The following COL13A1 variants were observed in gnomAD, a reference collection of about 807,000 sequenced individuals.
COL13A1 encodes collagen type XIII alpha 1 chain, also known as collagen alpha-1(XIII) chain.
In COL13A1, 89 loss-of-function variants were observed where a neutral mutation model predicts 130.9. The ratio of observed to expected loss-of-function variants is 0.68; its 90% CI spans 0.57 to 0.81. COL13A1 has a LOEUF of 0.81. COL13A1 is among the 30% of genes least tolerant of loss of function. The probability of loss-of-function intolerance (pLI) is 0.00; values close to 1 mark genes in which losing one functional copy is unlikely to be tolerated. For missense variants in COL13A1, 879 were observed against 934.6 expected (o/e 0.94, Z 0.78); for synonymous variants, 402 against 341.6 (o/e 1.18, Z -1.95).
intron 27 of COL13A1, among the ~76,000 whole-genome samples, chr10:69,928,561 G>T (rs1409957116): frequency 2.6e-5 from 4 of 152,176 alleles, no homozygotes; most frequent in African/African-American, 9.7e-5. Flanking sequence ...TCATTGTATG[G>T]ATGTACCATG....
chr10:69,925,563 G>A (rs1220808786), intron 25 of COL13A1, among the ~76,000 whole-genome samples: 2 of 152,220 alleles, frequency 1.3e-5, no homozygotes, highest in Non-Finnish European at 2.9e-5. Context: ...GGCAGCACAG[G>A]TGGACCCAAT....
intron 10 of COL13A1, among the ~76,000 whole-genome samples, chr10:69,891,831 G>C (rs1297998660): frequency 6.6e-6 from 1 of 152,166 alleles, no homozygotes; most frequent in Non-Finnish European, 1.5e-5. Context: ...CTTCATGAGA[G>C]GGGAAATTGA....
intron 2 of COL13A1, among the ~76,000 whole-genome samples, chr10:69,832,212 T>C (rs549629591): frequency 6.6e-6 from 1 of 152,288 alleles, no homozygotes; most frequent in African/African-American, 2.4e-5. Flanking sequence ...TCCAATGCTA[T>C]GAAAAATGCT....
chr10:69,876,908 A>C (rs180950164), intron 5 of COL13A1, among the ~76,000 whole-genome samples: 3 of 152,130 alleles, frequency 2.0e-5, no homozygotes, highest in Non-Finnish European at 4.4e-5. Context: ...TGCAAAATGC[A>C]AAGTGGCAGC....
At chr10:69,843,714 A>G (rs1852231625) in intron 2 of COL13A1, among the ~76,000 whole-genome samples, 1 of 152,214 alleles carries the variant, frequency 6.6e-6, no homozygotes, top group South Asian at 2.1e-4. Flanking sequence ...AGCACCCAAC[A>G]TATATTAGGT....
intron 1 of COL13A1, among the ~76,000 whole-genome samples, chr10:69,816,152 A>T (rs541552706): frequency 1.3e-5 from 2 of 149,962 alleles, no homozygotes; most frequent in South Asian, 4.4e-4. Context: ...GAAGTCGGGC[A>T]TTCGTTAGAA....
At chr10:69,925,927 C>A in intron 26 of COL13A1, 55 bp downstream of exon 26, 1 of 1,448,478 alleles carries the variant, frequency 6.9e-7, no homozygotes, top group South Asian at 1.2e-5. Flanking sequence ...GGCTCTGCAC[C>A]ATGCCCTGAT....
chr10:69,936,791 A>C lies in COL13A1; in HGVS notation c.1797+9A>C. On this transcript the variant is annotated intron_variant, in intron 33 of 40. Transcript: ENST00000645393. Reference sequence around the variant, plus strand: ...GTGTTCCTGGACCAAAGGTAAGGAGAAGTCACATGACAGGCGCTGTGTCAG... The same window carrying C: ...GTGTTCCTGGACCAAAGGTAAGGAGCAGTCACATGACAGGCGCTGTGTCAG... The C allele has an allele frequency of 1.2e-6, 2 of 1,613,912 alleles. No homozygotes were observed. Among genetic ancestry groups the C allele is most frequent in the Non-Finnish European group, 1.7e-6 (2 of 1,179,840 alleles).
At chr10:69,858,954 G>A (rs551679549) in intron 2 of COL13A1, among the ~76,000 whole-genome samples, 4 of 152,256 alleles carry the variant, frequency 2.6e-5, no homozygotes, top group Admixed American at 6.5e-5. Flanking sequence ...GCAAAACGGC[G>A]CATAATAGTA....
intron 2 of COL13A1, chr10:69,824,262 T>C: frequency 4.7e-6 from 2 of 424,954 alleles, no homozygotes; most frequent in Non-Finnish European, 9.8e-6. Flanking sequence ...TTTTCTCAAC[T>C]GCCTCTCGCA....
intron 34 of COL13A1, 23 bp from the exon 35 acceptor site, chr10:69,940,965 G>A (rs1216591741): frequency 6.2e-7 from 1 of 1,613,264 alleles, no homozygotes; most frequent in East Asian, 2.2e-5. Flanking sequence ...CCTTCTTTTG[G>A]TCAAACTGTG....
At chr10:69,874,407 T>G (rs979427315) in intron 4 of COL13A1, among the ~76,000 whole-genome samples, 1 of 152,238 alleles carries the variant, frequency 6.6e-6, no homozygotes, top group African/African-American at 2.4e-5. Context: ...GATGTCTGCA[T>G]GCATATGATG....
At chr10:69,902,922 G>T in intron 15 of COL13A1, 67 bp downstream of exon 15, 3 of 1,280,014 alleles carry the variant, frequency 2.3e-6, no homozygotes, top group South Asian at 1.5e-5. Flanking sequence ...TCCAAACCTT[G>T]AATAGGCAGT....
At position 69,887,595 on chromosome 10, in the gene COL13A1, A is replaced by T; in HGVS notation, c.549+104A>T. 6.4e-6 allele frequency: 8 copies of T among 1,249,668 alleles called. No homozygotes were observed. The Admixed American group carries it at 1.1e-4, about 17-fold the overall frequency. The allele number at this position is 1,249,668 out of a possible 1,614,324, so 77.4% of individuals were successfully genotyped here. ...CCCCGGTTCCACTCTTTCTCTCCCA[A>T]ACCCTGGTCATTAAGGACTTGCTTC... On this transcript the variant is annotated intron_variant, in intron 8 of 40. Coordinates refer to ENST00000645393, the MANE Select transcript of COL13A1 (RefSeq NM_001368882.1).
At chr10:69,829,827 G>T (rs71480611) in intron 2 of COL13A1, among the ~76,000 whole-genome samples, 1 of 152,232 alleles carries the variant, frequency 6.6e-6, no homozygotes, top group Non-Finnish European at 1.5e-5. Context: ...CCCTGGAAGA[G>T]CCTTTTCTCT....
chr10:69,922,813 T>A lies in COL13A1; in HGVS notation c.1230+19T>A. 1 of 1,540,306 alleles carries A rather than the reference T, an allele frequency of 6.5e-7. No individual in the cohort carries two copies. Among genetic ancestry groups the A allele is most frequent in the Middle Eastern group, 1.7e-4 (1 of 5,906 alleles). Reference sequence around the variant, plus strand: ...GCCAAAGGTGAGTGTTCCCTGGAATTGGTGTTGGGGAGGTGCTTACCTGGG... The same window carrying A: ...GCCAAAGGTGAGTGTTCCCTGGAATAGGTGTTGGGGAGGTGCTTACCTGGG... On this transcript the variant is annotated intron_variant, in intron 23 of 40. Transcript: ENST00000645393.
At position 69,897,471 on chromosome 10, in the gene COL13A1, C is replaced by G. The variant is rs765893685; in HGVS notation, c.685-1226C>G. On this transcript the variant is annotated intron_variant, in intron 13 of 40. Transcript: ENST00000645393. ...TCTGCCACCTCCATCCCCTCCCAAACTAGGAGTGCCTAAGCAGCATGCCAG... is the reference window on the plus strand; with the variant it reads ...TCTGCCACCTCCATCCCCTCCCAAAGTAGGAGTGCCTAAGCAGCATGCCAG... 12 of 1,613,892 alleles carry G rather than the reference C, an allele frequency of 7.4e-6. No individual in the cohort carries two copies. In the South Asian group the frequency reaches 7.7e-5, roughly 10 times the overall value.
In COL13A1 at chr10:69,915,679, C is replaced by T. The variant is rs149831586; in HGVS notation, c.922-1610C>T. On this transcript the variant is annotated intron_variant, in intron 17 of 40. Coordinates refer to ENST00000645393, the MANE Select transcript of COL13A1 (RefSeq NM_001368882.1). ...AAACAGGGCAGAGCCCCTCTCTACT[C>T]AGAGGCCCTCAGGTCTGTGGTCCAT... Among the ~76,000 whole-genome samples, 737 of 152,344 alleles carry T rather than the reference C, an allele frequency of 4.8e-3. 2 individuals are homozygous for T. The highest frequency in any genetic ancestry group is 7.7e-3 in the Non-Finnish European group (521 of 68,018).
At chr10:69,812,380 C>T (rs1398776474) in intron 1 of COL13A1, among the ~76,000 whole-genome samples, 1 of 152,090 alleles carries the variant, frequency 6.6e-6, no homozygotes, top group Non-Finnish European at 1.5e-5. Flanking sequence ...TAGGTTATAC[C>T]TCTGTAAAAT....
Sources: gnomAD v4.1 joint callset for allele counts (sites outside exome capture counted in the v4.1 genomes callset) on GRCh38, gnomAD v4.1.1 for gene constraint, MANE v1.5 for transcripts, NCBI Gene and HGNC (gene_info 2026-07-23, HGNC 2026-07-21) for gene names.